Variants in PHF2 observed in about 807,000 individuals in gnomAD.
PHF2 encodes the protein PHD finger protein 2, also known as lysine-specific demethylase PHF2.
Under a neutral mutation model 120.5 loss-of-function variants are expected in PHF2, and 27 were observed. The observed-to-expected ratio is 0.22, with a 90% confidence interval of 0.17 to 0.31. PHF2 has a LOEUF of 0.31. PHF2 is among the 10% of genes least tolerant of loss of function. The pLI is 1.00. For missense variants in PHF2, 1,024 were observed against 1,434.8 expected, an observed-to-expected ratio of 0.71 and a Z score of 4.63; for synonymous variants, 568 against 592.5, an observed-to-expected ratio of 0.96 and a Z score of 0.60.
intron 3 of PHF2, among the ~76,000 whole-genome samples, chr9:93,639,712 A>C (rs888646082): frequency 5.3e-5 from 8 of 152,200 alleles, no homozygotes; most frequent in African/African-American, 9.6e-5. Context: ...AGCTGGATGC[A>C]AGAAGGCAGC....
chr9:93,614,961 G>T (rs1428384926), intron 1 of PHF2, among the ~76,000 whole-genome samples: 6 of 151,688 alleles, frequency 4.0e-5, no homozygotes, highest in Admixed American at 6.6e-5. Flanking sequence ...TGATGGTAGT[G>T]ATGATAGTGA....
In PHF2 at chr9:93,597,812, G is replaced by A. The variant is rs117306234; in HGVS notation, c.98+20941G>A. ...CAGCCTCCCTTTTGAGAACAGTGTT[G>A]GGAAGTATCTTATAGCCAAGATTGG... On this transcript the variant is annotated intron_variant, in intron 1 of 21. Coordinates refer to ENST00000359246, the MANE Select transcript of PHF2 (RefSeq NM_005392.4). Among the ~76,000 whole-genome samples, 625 of 152,272 alleles carry A rather than the reference G, an allele frequency of 4.1e-3. 3 individuals are homozygous for A. The highest frequency in any genetic ancestry group is 0.014 in the African/African-American group (584 of 41,538).
At chr9:93,590,148 C>G (rs114150377) in intron 1 of PHF2, among the ~76,000 whole-genome samples, 1 of 152,232 alleles carries the variant, frequency 6.6e-6, no homozygotes, top group Non-Finnish European at 1.5e-5. Flanking sequence ...ACTGATTTCT[C>G]TACACACTGG....
At position 93,673,761 on chromosome 9, in the gene PHF2, G is replaced by A; in HGVS notation, c.2525G>A (p.Gly842Asp). 2 of 1,613,450 alleles carry A rather than the reference G, an allele frequency of 1.2e-6. No individual in the cohort carries two copies. Among genetic ancestry groups the A allele is most frequent in the Non-Finnish European group, 1.7e-6 (2 of 1,179,788 alleles). The stretch of plus-strand genomic sequence containing the variant: ...GGGGGTGGCAGTGGCAAGAGTGCAG[G>A]CAAACGACTGCTGAAGAGGGCTGCC... The part of the protein sequence containing the change: ...KNGGGSGKSA[G>D]KRLLKRAAKN... The change falls in exon 18 of 22, where the codon GGC becomes GAC. Residue 842 changes from glycine to aspartate, a missense_variant. Gly to Asp is a moderately conservative substitution (Grantham distance 94). This residue lies in a region of PHF2 where 677 missense variants were observed against 857.4 expected (regional missense o/e 0.79). Coordinates refer to ENST00000359246, the MANE Select transcript of PHF2 (RefSeq NM_005392.4).
intron 1 of PHF2, 144 bp downstream of exon 1, chr9:93,577,015 C>A: frequency 5.2e-6 from 1 of 190,838 alleles, no homozygotes; most frequent in South Asian, 1.6e-4. Flanking sequence ...GCGCCCCGGT[C>A]GGGGCTGGGC....
At chr9:93,632,689 T>TA (rs1393804173) in intron 2 of PHF2, among the ~76,000 whole-genome samples, 2 of 152,146 alleles carry the variant, frequency 1.3e-5, no homozygotes, top group Non-Finnish European at 2.9e-5. Flanking sequence ...CCCCACCTCA[T>TA]AAAATCATCA....
chr9:93,623,194 A>G (rs1369990201), intron 1 of PHF2, among the ~76,000 whole-genome samples: 3 of 152,124 alleles, frequency 2.0e-5, no homozygotes, highest in East Asian at 3.9e-4. Flanking sequence ...CTGATGTGCA[A>G]TGTGGATTCT....
chr9:93,673,418 A>G (rs1203475736), intron 17 of PHF2, among the ~76,000 whole-genome samples, 167 bp from the exon 18 acceptor site: 2 of 152,028 alleles, frequency 1.3e-5, no homozygotes, highest in Non-Finnish European at 2.9e-5. Flanking sequence ...GCCTCTTCCA[A>G]GGGAGAAGTC....
chr9:93,671,975 G>C lies in PHF2; in HGVS notation c.2349-1610G>C, dbSNP rs542323035. Among the ~76,000 whole-genome samples, 26 of 137,336 alleles carry C rather than the reference G, an allele frequency of 1.9e-4. No homozygotes were observed. The South Asian group carries it at 3.3e-3, about 17-fold the overall frequency. 90.1% of individuals were successfully genotyped at this position (137,336 alleles called of 152,430 possible). On this transcript the variant is annotated intron_variant, in intron 17 of 21. Transcript: ENST00000359246. The stretch of plus-strand genomic sequence containing the variant: ...GGGAGTAGGGTCAGGTGTAGATGCA[G>C]ATGTGGGTGTGGGAGTAGGGTCAGG...
intron 5 of PHF2, among the ~76,000 whole-genome samples, chr9:93,649,687 ATG>A (rs1160157312): frequency 1.6e-5 from 1 of 63,486 alleles, no homozygotes; most frequent in Non-Finnish European, 4.2e-5. Context: ...GGACACACTC[ATG>A]ACACTCACAC....
chr9:93,593,115 A>G (rs1370222850), intron 1 of PHF2, among the ~76,000 whole-genome samples: 2 of 150,828 alleles, frequency 1.3e-5, no homozygotes, highest in Non-Finnish European at 3.0e-5. Flanking sequence ...AAAAAAAGAA[A>G]AAAAAAGGAC....
chr9:93,654,687 G>A, intron 7 of PHF2, 112 bp downstream of exon 7: 1 of 1,006,906 alleles, frequency 9.9e-7, no homozygotes, highest in Non-Finnish European at 1.5e-6. Context: ...CGGCATCCCT[G>A]GCATGCCTGC....
chr9:93,617,382 G>A (rs548793181), intron 1 of PHF2, among the ~76,000 whole-genome samples: 65 of 152,332 alleles, frequency 4.3e-4, no homozygotes, highest in African/African-American at 1.2e-3. Context: ...CAGAAGAGTC[G>A]CTTCCCCTCT....
chr9:93,620,965 G>A (rs1319848014), intron 1 of PHF2, among the ~76,000 whole-genome samples: 2 of 152,248 alleles, frequency 1.3e-5, no homozygotes, highest in East Asian at 3.8e-4. Flanking sequence ...CACAATCGAA[G>A]CCCTGGATCC....
chr9:93,620,041 G>T (rs1587686919), intron 1 of PHF2, among the ~76,000 whole-genome samples: 1 of 152,228 alleles, frequency 6.6e-6, no homozygotes, highest in Non-Finnish European at 1.5e-5. Flanking sequence ...CAAATGCCCT[G>T]CTCTCCCTCG....
chr9:93,663,190 G>A (rs1371431476), intron 13 of PHF2, among the ~76,000 whole-genome samples, 164 bp downstream of exon 13: 1 of 152,188 alleles, frequency 6.6e-6, no homozygotes, highest in African/African-American at 2.4e-5. Context: ...TCTGAGGTGT[G>A]TGTGACCACC....
At chr9:93,654,358 C>T (rs1199231033) in intron 6 of PHF2, 55 bp from the exon 7 acceptor site, 2 of 1,573,752 alleles carry the variant, frequency 1.3e-6, no homozygotes, top group African/African-American at 1.3e-5. Flanking sequence ...GTCACTTGCA[C>T]CCCCGACCCC....
chr9:93,663,156 T>C (rs1826609231), intron 13 of PHF2, 130 bp downstream of exon 13: 1 of 1,283,136 alleles, frequency 7.8e-7, no homozygotes, highest in Admixed American at 2.1e-5. Context: ...GAGTAGGTAG[T>C]GCTGTGGGGT....
intron 1 of PHF2, among the ~76,000 whole-genome samples, chr9:93,623,641 T>A (rs1825859636): frequency 6.6e-6 from 1 of 152,254 alleles, no homozygotes; most frequent in Admixed American, 6.5e-5. Flanking sequence ...AATTTTTCTT[T>A]GTTTCATTAT....
Sources: allele counts gnomAD v4.1 joint callset (sites outside exome capture counted in the v4.1 genomes callset), GRCh38; gene constraint gnomAD v4.1.1; regional missense constraint gnomAD v4.1.1; transcripts MANE v1.5; gene names NCBI Gene and HGNC (gene_info 2026-07-23, HGNC 2026-07-21).